The following CEP152 variants were observed in gnomAD, a reference collection of about 807,000 sequenced individuals.
CEP152 encodes centrosomal protein 152.
CEP152 carries 132 observed loss-of-function variants against 188.9 expected under a neutral mutation model. That is an observed-to-expected ratio of 0.70 (90% CI 0.61 to 0.81). The LOEUF is 0.81. Ranked by LOEUF, CEP152 falls within the 30% of genes least tolerant of loss-of-function variation. The pLI, the probability that CEP152 is intolerant of heterozygous loss-of-function variation, is 0.00. For synonymous variants in CEP152, 649 were observed against 666.6 expected, an observed-to-expected ratio of 0.97 and a Z score of 0.41; for missense variants, 1,914 against 1,969.8, an observed-to-expected ratio of 0.97 and a Z score of 0.54.
intron 20 of CEP152, 28 bp from the exon 21 acceptor site, chr15:48,752,497 G>GCT (rs761009969): frequency 4.3e-6 from 7 of 1,611,120 alleles, no homozygotes; most frequent in Non-Finnish European, 1.7e-6. Flanking sequence ...CAAAGTTAAT[G>GCT]CTTAGTAAAA....
chr15:48,794,021 G>C (rs1027983363), intron 6 of CEP152, among the ~76,000 whole-genome samples: 2 of 152,096 alleles, frequency 1.3e-5, no homozygotes, highest in African/African-American at 2.4e-5. Context: ...TAATTAGCTA[G>C]TGAATAGATT....
chr15:48,805,269 G>A (rs1897902989), intron 2 of CEP152, among the ~76,000 whole-genome samples: 1 of 152,128 alleles, frequency 6.6e-6, no homozygotes, highest in Non-Finnish European at 1.5e-5. Context: ...CAAGCACCTA[G>A]AAACTAACCT....
intron 12 of CEP152, among the ~76,000 whole-genome samples, chr15:48,776,550 A>G (rs988969673): frequency 4.6e-5 from 7 of 152,146 alleles, no homozygotes; most frequent in Non-Finnish European, 1.0e-4. Flanking sequence ...AGACTTGACT[A>G]CAAGGATGCT....
At chr15:48,766,341 G>A (rs924493065) in intron 17 of CEP152, among the ~76,000 whole-genome samples, 1 of 152,210 alleles carries the variant, frequency 6.6e-6, no homozygotes, top group Non-Finnish European at 1.5e-5. Flanking sequence ...CTTTCAAACT[G>A]TGGTTTGCCG....
chr15:48,789,135 C>T lies in CEP152; in HGVS notation c.973-134G>A, dbSNP rs78033540. The T allele has an allele frequency of 2.1e-3, 1,665 of 805,938 alleles. 9 individuals carry two copies. The highest frequency in any genetic ancestry group is 5.6e-3 in the South Asian group (373 of 66,210). 49.9% of individuals were successfully genotyped at this position (805,938 alleles called of 1,614,324 possible). ...TTAATGAGAGTAGAGAAGGGGTCTC[C>T]GCTCATCATGGCTCAAGCTCCTTAA... On this transcript the variant is annotated intron_variant, in intron 8 of 26. Coordinates refer to ENST00000380950, the MANE Select transcript of CEP152 (RefSeq NM_001194998.2).
chr15:48,801,259 C>G (rs761969425), intron 2 of CEP152, among the ~76,000 whole-genome samples: 1 of 152,202 alleles, frequency 6.6e-6, no homozygotes, highest in Non-Finnish European at 1.5e-5. Context: ...ACAACTCCCT[C>G]TAGTGGAAAC....
In CEP152 at chr15:48,756,443, C is replaced by A; in HGVS notation, c.2805G>T (p.Gln935His). Residue 935 changes from glutamine (Q) to histidine (H), a missense_variant, in exon 20 of 27, where the codon CAG becomes CAT. Physicochemically the swap from Gln to His is conservative, Grantham distance 24 (BLOSUM62 0). Transcript: ENST00000380950. ...CTTCGTTCTTTAACTCAAGTTCCTT[C>A]TGAAGAGAATGAATCTTCTCTTCCA... Reference protein sequence around the residue: ...KELEEKIHSLQKELELKNEEV... With the variant: ...KELEEKIHSLHKELELKNEEV... The A allele has an allele frequency of 1.2e-6, 2 of 1,613,882 alleles. No homozygotes were observed. Among genetic ancestry groups the A allele is most frequent in the Non-Finnish European group, 1.7e-6 (2 of 1,179,950 alleles).
chr15:48,786,245 TAA>T (rs1179869406), intron 9 of CEP152, among the ~76,000 whole-genome samples: 3 of 151,614 alleles, frequency 2.0e-5, no homozygotes, highest in Non-Finnish European at 4.4e-5. Context: ...TGGGAGGAGG[TAA>T]AAGTCAGTTT....
chr15:48,776,734 T>C (rs995652597), intron 12 of CEP152, among the ~76,000 whole-genome samples: 1 of 152,138 alleles, frequency 6.6e-6, no homozygotes, highest in Admixed American at 6.5e-5. Context: ...ATTATCAATA[T>C]TATTTTATCT....
rs1334638579 is a variant in CEP152, at chr15:48,805,447, T to TA, written c.87+115_87+116insT. ...AGCAGATTTTAGGGTTGTTTTTTTTTTAAAAAATCCAAATCCCTTCAAAAT... is the reference window on the plus strand; with the variant it reads ...AGCAGATTTTAGGGTTGTTTTTTTTTATAAAAAATCCAAATCCCTTCAAAAT... On this transcript the variant is annotated intron_variant, in intron 2 of 26. Transcript: ENST00000380950. 5.0e-6 allele frequency: 7 copies of TA among 1,388,456 alleles called. No homozygotes were observed. In the African/African-American group the frequency reaches 8.8e-5, roughly 17 times the overall value. 86.0% of individuals were successfully genotyped at this position (1,388,456 alleles called of 1,614,324 possible). A position where few individuals can be genotyped will look rare whatever the true frequency, so the allele number is the denominator to read the frequency against.
Position 48,744,890 on chromosome 15 carries a change from G to T in CEP152, c.3731+6C>A. ...AAAATAGCACTTTAAAATAGTAAAA[G>T]TATACCTTGGTGGTGTTTTACAAAG... On this transcript the variant is annotated splice_donor_region_variant and intron_variant, in intron 23 of 26. Transcript: ENST00000380950. 6.2e-7 allele frequency: 1 copy of T among 1,604,276 alleles called. No individual in the cohort carries two copies. Among genetic ancestry groups the T allele is most frequent in the Non-Finnish European group, 8.5e-7 (1 of 1,176,386 alleles).
chr15:48,741,836 C>A, intron 25 of CEP152, 111 bp downstream of exon 25: 1 of 1,610,074 alleles, frequency 6.2e-7, no homozygotes, highest in Non-Finnish European at 8.5e-7. Context: ...CTCTTAACCC[C>A]CTATGGCTGA....
chr15:48,798,018 T>A lies in CEP152; in HGVS notation c.121A>T (p.Met41Leu). The A allele has an allele frequency of 1.2e-6, 2 of 1,614,014 alleles. No individual in the cohort carries two copies. Among genetic ancestry groups the A allele is most frequent in the Non-Finnish European group, 1.7e-6 (2 of 1,179,946 alleles). Residue 41 changes from methionine (M) to leucine (L), a missense_variant, in exon 3 of 27, where the codon ATG becomes TTG. Coordinates refer to ENST00000380950, the MANE Select transcript of CEP152 (RefSeq NM_001194998.2). The stretch of plus-strand genomic sequence containing the variant: ...GGAGAGGAGAGGTCGTCATCCAGCA[T>A]GTCATGGGGAAGGTCTGTGAGTAAC... ...QQLLTDLPHDMLDDDLSSPEL... is the reference protein window; with the variant it reads ...QQLLTDLPHDLLDDDLSSPEL...
downstream of CEP152, among the ~76,000 whole-genome samples, chr15:48,736,342 C>CA (rs1459587635): frequency 6.6e-6 from 1 of 152,112 alleles, no homozygotes; most frequent in Non-Finnish European, 1.5e-5. Flanking sequence ...CATGGGAAAA[C>CA]AAGAGACCAA....
intron 19 of CEP152, among the ~76,000 whole-genome samples, chr15:48,757,369 A>T (rs1000557818): frequency 6.6e-6 from 1 of 152,254 alleles, no homozygotes; most frequent in Non-Finnish European, 1.5e-5. Context: ...ATTAAATGAC[A>T]TAAGGACATA....
chr15:48,802,313 G>C (rs1897716725), intron 2 of CEP152, among the ~76,000 whole-genome samples: 1 of 152,168 alleles, frequency 6.6e-6, no homozygotes, highest in African/African-American at 2.4e-5. Flanking sequence ...CAGCTCTCAA[G>C]TGGTACAATC....
intron 13 of CEP152, among the ~76,000 whole-genome samples, chr15:48,770,087 G>A (rs1380854013): frequency 2.0e-5 from 3 of 152,114 alleles, no homozygotes; most frequent in Non-Finnish European, 2.9e-5. Flanking sequence ...ATTTTCCTCT[G>A]AGAGTTTTCC....
chr15:48,798,165 C>T (rs554539110), intron 2 of CEP152, 114 bp from the exon 3 acceptor site: 3 of 757,078 alleles, frequency 4.0e-6, no homozygotes, highest in Admixed American at 2.0e-5. Context: ...TTCATAATTC[C>T]CTCCTTTAAT....
chr15:48,742,071 T>C lies in CEP152; in HGVS notation c.3865A>G (p.Lys1289Glu), dbSNP rs752073341. 3.1e-6 allele frequency: 5 copies of C among 1,614,140 alleles called. No individual in the cohort carries two copies. In the South Asian group the frequency reaches 5.5e-5, roughly 18 times the overall value. ...TTTACCATTTCTGCAGCTCGTTCCT[T>C]ACTCTCCTGAATATAACGAAGCATG... The part of the protein sequence containing the change: ...CDMLRYIQES[K>E]ERAAEMVKAE... The change falls in exon 25 of 27, where the codon AAG (lysine) becomes GAG (glutamate). Residue 1289 changes from lysine to glutamate, a missense_variant. By Grantham distance (56) the Lys-to-Glu change is moderately conservative. Coordinates refer to ENST00000380950, the MANE Select transcript of CEP152 (RefSeq NM_001194998.2).
Sources: allele counts gnomAD v4.1 joint callset (sites outside exome capture counted in the v4.1 genomes callset), GRCh38; gene constraint gnomAD v4.1.1; transcripts MANE v1.5; gene names NCBI Gene and HGNC (gene_info 2026-07-23, HGNC 2026-07-21).